PKD2: variants seen among roughly 807,000 people sequenced by gnomAD.
The protein encoded by PKD2 is polycystin 2, transient receptor potential cation channel.
PKD2 carries 48 observed loss-of-function variants against 105.9 expected under a neutral mutation model. That is an observed-to-expected ratio of 0.45 (90% CI 0.36 to 0.58). PKD2 has a LOEUF of 0.58. Ranked by LOEUF, PKD2 falls within the 20% of genes least tolerant of loss-of-function variation. The probability of loss-of-function intolerance (pLI) is 0.00; values close to 1 mark genes in which losing one functional copy is unlikely to be tolerated. For synonymous variants in PKD2, 464 were observed against 481.1 expected (o/e 0.96, Z 0.46); for missense variants, 1,078 against 1,255.3 (o/e 0.86, Z 2.13).
intron 5 of PKD2, among the ~76,000 whole-genome samples, chr4:88,045,941 T>G (rs1039709674): frequency 2.0e-5 from 3 of 152,140 alleles, no homozygotes; most frequent in African/African-American, 4.8e-5. Context: ...TTTGAGTGGA[T>G]GGTTTATATT....
In PKD2 at chr4:88,017,878, G is replaced by A. The variant is rs1560597121; in HGVS notation, c.596-1580G>A. ...GAGACAGGGTAACAGTCTTCCCTGG[G>A]AGTAAAGAGACTAGCAGTCTCTATT... On this transcript the variant is annotated intron_variant, in intron 1 of 14. Transcript: ENST00000237596. 3.3e-5 allele frequency among the ~76,000 whole-genome samples: 5 copies of A among 152,294 alleles called. No homozygotes were observed. The South Asian group carries it at 8.3e-4, about 25-fold the overall frequency.
At chr4:88,062,661 C>A (rs546814835) in intron 10 of PKD2, among the ~76,000 whole-genome samples, 8 of 152,096 alleles carry the variant, frequency 5.3e-5, no homozygotes, top group Non-Finnish European at 1.2e-4. Context: ...CAACAAATAA[C>A]CACATTTAAA....
chr4:88,038,502 G>T lies in PKD2; in HGVS notation c.1094+1G>T. 6.2e-7 allele frequency: 1 copy of T among 1,613,786 alleles called. No individual in the cohort carries two copies. The highest frequency in any genetic ancestry group is 8.5e-7 in the Non-Finnish European group (1 of 1,179,704). On this transcript the variant is annotated splice_donor_variant, in intron 4 of 14. Coordinates refer to ENST00000237596, the MANE Select transcript of PKD2 (RefSeq NM_000297.4). LOFTEE classifies it high-confidence loss of function. ...CCTTTGGGCCCCGAAATGGAACCGC[G>T]TAAGTGTCTGTGACTCATTGCCACT...
At position 88,017,387 on chromosome 4, in the gene PKD2, G is replaced by A. The variant is rs115151297; in HGVS notation, c.596-2071G>A. Among the ~76,000 whole-genome samples the A allele has an allele frequency of 4.4e-3, 672 of 152,248 alleles. 5 individuals are homozygous for A. Among genetic ancestry groups the A allele is most frequent in the African/African-American group, 0.016 (644 of 41,536 alleles). ...ATTCAAAGGCTAGAATTAAATTGCC[G>A]TAGGCCATCACAAGTTTAGCTTGAA... is the stretch of plus-strand genomic sequence containing the variant. On this transcript the variant is annotated intron_variant, in intron 1 of 14. Coordinates refer to ENST00000237596, the MANE Select transcript of PKD2 (RefSeq NM_000297.4).
chr4:88,014,011 G>A (rs112164520), intron 1 of PKD2, among the ~76,000 whole-genome samples: 2,503 of 152,242 alleles, frequency 0.016, 25 homozygotes, highest in Middle Eastern at 0.054. Flanking sequence ...GTAGGCTGGT[G>A]GCTGACAGAC....
intron 10 of PKD2, 52 bp downstream of exon 10, chr4:88,062,056 C>A: frequency 3.4e-6 from 3 of 883,226 alleles, no homozygotes; most frequent in Non-Finnish European, 5.8e-6. Flanking sequence ...ATAAAATGAG[C>A]ATTGTTTCAC....
chr4:88,058,728 A>G (rs140423650), intron 9 of PKD2, among the ~76,000 whole-genome samples: 2 of 152,280 alleles, frequency 1.3e-5, no homozygotes, highest in Admixed American at 6.5e-5. Context: ...TGTAACAATG[A>G]ATGGAAATTG....
Position 88,056,067 on chromosome 4 carries a change from T to A in PKD2, c.1717-19T>A. The stretch of plus-strand genomic sequence containing the variant: ...TTTTGTTTATCCATTCATCTATTGA[T>A]GTCTTCTCTCTCTTACAGCTCTTCA... On this transcript the variant is annotated intron_variant, in intron 7 of 14. Transcript: ENST00000237596. The A allele has an allele frequency of 6.5e-7, 1 of 1,531,844 alleles. No homozygotes were observed. The highest frequency in any genetic ancestry group is 9.0e-7 in the Non-Finnish European group (1 of 1,105,214). 94.9% of individuals were successfully genotyped at this position (1,531,844 alleles called of 1,614,324 possible). A position where few individuals can be genotyped will look rare whatever the true frequency, so the allele number is the denominator to read the frequency against.
rs138132026 is a variant in PKD2, at chr4:88,036,294, G to A, written c.784G>A (p.Val262Met). The part of the protein sequence containing the change: ...MMSQLFLDTP[V>M]SKTEKTNFKT... Reference sequence around the variant, plus strand: ...GTCACAGCTCTTCCTAGACACCCCCGTGTCCAAAACGGAGAAAACTAACTT... The same window carrying A: ...GTCACAGCTCTTCCTAGACACCCCCATGTCCAAAACGGAGAAAACTAACTT... The change falls in exon 3 of 15, where the codon GTG (valine) becomes ATG (methionine). Residue 262 changes from valine to methionine, a missense_variant. Around this residue, in one of 2 missense-constraint regions of PKD2, gnomAD observed 868 missense variants for 1,067.3 expected, o/e 0.81. Transcript: ENST00000237596. 9.0e-4 allele frequency: 1,446 copies of A among 1,613,972 alleles called. 9 individuals carry two copies. The highest frequency in any genetic ancestry group is 1.6e-3 in the South Asian group (150 of 91,080).
chr4:88,019,443 A>G lies in PKD2; in HGVS notation c.596-15A>G. On this transcript the variant is annotated splice_polypyrimidine_tract_variant and intron_variant, in intron 1 of 14. Coordinates refer to ENST00000237596, the MANE Select transcript of PKD2 (RefSeq NM_000297.4). Reference sequence around the variant, plus strand: ...TAAAATGATATCTTTTCTTTTCTTCATTATTATTTTAAAGGTCTCTGGGGA... The same window carrying G: ...TAAAATGATATCTTTTCTTTTCTTCGTTATTATTTTAAAGGTCTCTGGGGA... 1 of 1,239,622 alleles carries G rather than the reference A, an allele frequency of 8.1e-7. No homozygotes were observed. Among genetic ancestry groups the G allele is most frequent in the African/African-American group, 1.5e-5 (1 of 67,160 alleles). 76.8% of individuals were successfully genotyped at this position (1,239,622 alleles called of 1,614,324 possible). A position where few individuals can be genotyped will look rare whatever the true frequency, so the allele number is the denominator to read the frequency against.
intron 12 of PKD2, among the ~76,000 whole-genome samples, chr4:88,067,205 T>C (rs1720826302): frequency 6.6e-6 from 1 of 152,126 alleles, no homozygotes; most frequent in South Asian, 2.1e-4. Flanking sequence ...ATTGGAGCAG[T>C]TTGGATTTTG....
At chr4:88,051,615 G>T (rs534507783) in intron 6 of PKD2, among the ~76,000 whole-genome samples, 24 of 152,234 alleles carry the variant, frequency 1.6e-4, no homozygotes, top group African/African-American at 5.3e-4. Context: ...AAAGCAAAAG[G>T]GTGGAAAGTG....
chr4:88,013,042 A>G (rs1194910258), intron 1 of PKD2, among the ~76,000 whole-genome samples: 9 of 152,032 alleles, frequency 5.9e-5, no homozygotes, highest in Non-Finnish European at 1.3e-4. Flanking sequence ...GTTCATGGGC[A>G]TTTGCGGTTT....
intron 1 of PKD2, among the ~76,000 whole-genome samples, chr4:88,016,424 A>G (rs1726564459): frequency 6.6e-6 from 1 of 152,202 alleles, no homozygotes; most frequent in Non-Finnish European, 1.5e-5. Context: ...GAAGAGTGTC[A>G]CCAATTTGCA....
intron 1 of PKD2, among the ~76,000 whole-genome samples, 195 bp from the exon 2 acceptor site, chr4:88,019,263 C>T (rs2110088997): frequency 6.6e-6 from 1 of 151,400 alleles, no homozygotes; most frequent in South Asian, 2.1e-4. Context: ...ACATTGGAGC[C>T]AGATGTACTC....
At chr4:88,061,429 C>T (rs1215075481) in intron 9 of PKD2, among the ~76,000 whole-genome samples, 2 of 152,076 alleles carry the variant, frequency 1.3e-5, no homozygotes, top group Non-Finnish European at 2.9e-5. Context: ...AAACATGTGG[C>T]AGCAAAACTG....
intron 6 of PKD2, among the ~76,000 whole-genome samples, chr4:88,050,704 G>A (rs1052933236): frequency 2.7e-5 from 4 of 149,332 alleles, no homozygotes; most frequent in Admixed American, 6.6e-5. Flanking sequence ...TAGCTGAGAT[G>A]AGCTCCTCAT....
intron 8 of PKD2, among the ~76,000 whole-genome samples, chr4:88,056,937 TC>T (rs1720363948): frequency 6.6e-6 from 1 of 152,148 alleles, no homozygotes; most frequent in Admixed American, 6.6e-5. Flanking sequence ...GAATATTGGA[TC>T]TTTGAACTCA....
intron 1 of PKD2, among the ~76,000 whole-genome samples, chr4:88,016,659 TA>T (rs1042762191): frequency 2.9e-4 from 44 of 152,158 alleles, no homozygotes; most frequent in African/African-American, 1.1e-3. Context: ...TAGAGTAATT[TA>T]GAAAAAGAAA....
Sources: gnomAD v4.1 joint callset for allele counts (sites outside exome capture counted in the v4.1 genomes callset) on GRCh38, gnomAD v4.1.1 for gene constraint, gnomAD v4.1.1 regional missense constraint, MANE v1.5 for transcripts, NCBI Gene and HGNC (gene_info 2026-07-23, HGNC 2026-07-21) for gene names.